ALG12: variants seen among roughly 807,000 people sequenced by gnomAD.
The protein encoded by ALG12 is ALG12 alpha-1,6-mannosyltransferase.
ALG12 carries 36 observed loss-of-function variants against 46.0 expected under a neutral mutation model. That is an observed-to-expected ratio of 0.78 (90% confidence interval 0.60 to 1.03). The LOEUF is 1.03. ALG12 is among the 50% of genes least tolerant of loss of function. The pLI is 0.00. For synonymous variants in ALG12, 326 were observed against 291.6 expected (o/e 1.12, Z -1.20); for missense variants, 599 against 633.5 (o/e 0.95, Z 0.58).
chr22:49,902,656 T>C lies in ALG12; in HGVS notation c.*1182A>G, dbSNP rs1191708095. On this transcript the variant is annotated 3_prime_UTR_variant, in exon 10 of 10. Transcript: ENST00000330817. Reference sequence around the variant, plus strand: ...TAATGTGCACGTGTGCACTGTGTGGTGTGTATGCATGGTGTGTGCACGTGT... The same window carrying C: ...TAATGTGCACGTGTGCACTGTGTGGCGTGTATGCATGGTGTGTGCACGTGT... 1 of 129,540 alleles carries C rather than the reference T, an allele frequency of 7.7e-6. No individual in the cohort carries two copies. The highest frequency in any genetic ancestry group is 2.9e-5 in the African/African-American group (1 of 34,200). The allele number at this position is 129,540 out of a possible 1,614,324, so 8.0% of individuals were successfully genotyped here.
downstream of ALG12, among the ~76,000 whole-genome samples, chr22:49,899,728 T>C (rs1249685721): frequency 6.6e-6 from 1 of 152,150 alleles, no homozygotes; most frequent in Non-Finnish European, 1.5e-5. Flanking sequence ...CAGGGTTATC[T>C]GAATTTACAA....
chr22:49,861,368 TTGGCTGCAAATGATC>T, the ALG12 span, among the ~76,000 whole-genome samples: 1 of 152,168 alleles, frequency 6.6e-6, no homozygotes, highest in Non-Finnish European at 1.5e-5. Context: ...CCTCAAACTC[TTGGCTGCAAATGATC>T]TGCCTGCCTC....
At chr22:49,878,562 AT>A in the ALG12 span, among the ~76,000 whole-genome samples, 6 of 152,222 alleles carry the variant, frequency 3.9e-5, no homozygotes, top group African/African-American at 1.4e-4. Context: ...GTGCAAAAAA[AT>A]GAACTTCAAT....
At chr22:49,873,978 C>T in the ALG12 span, among the ~76,000 whole-genome samples, 3 of 152,220 alleles carry the variant, frequency 2.0e-5, no homozygotes, top group Non-Finnish European at 4.4e-5. Flanking sequence ...GGAGCTGGCC[C>T]GTGCCGAGAA....
At chr22:49,884,669 G>A in the ALG12 span, 37 of 1,609,596 alleles carry the variant, frequency 2.3e-5, 1 homozygote, top group East Asian at 4.5e-5. Flanking sequence ...AGGGCACACC[G>A]CGCCATCGTG....
At chr22:49,885,553 C>T in the ALG12 span, 38 of 1,604,672 alleles carry the variant, frequency 2.4e-5, no homozygotes, top group Admixed American at 2.2e-4. Context: ...CCGGGTGCCG[C>T]GGGGCACAGA....
the ALG12 span, chr22:49,885,285 G>A: frequency 1.1e-5 from 18 of 1,595,162 alleles, no homozygotes; most frequent in Non-Finnish European, 1.4e-5. Flanking sequence ...TGACTGACTT[G>A]CCAACAGTGG....
the ALG12 span, among the ~76,000 whole-genome samples, chr22:49,859,602 CGTA>C: frequency 1.3e-5 from 2 of 152,298 alleles, no homozygotes; most frequent in African/African-American, 4.8e-5. Flanking sequence ...AGGCCATAGA[CGTA>C]GTCATTGTGC....
At chr22:49,895,089 T>C in the ALG12 span, among the ~76,000 whole-genome samples, 6 of 152,328 alleles carry the variant, frequency 3.9e-5, no homozygotes, top group African/African-American at 1.4e-4. Context: ...GACACCATGC[T>C]GTACACATTG....
chr22:49,885,054 C>G, the ALG12 span: 4 of 1,612,088 alleles, frequency 2.5e-6, no homozygotes, highest in Non-Finnish European at 3.4e-6. Flanking sequence ...TCTGGCATCA[C>G]TTCTCCCTGG....
the ALG12 span, among the ~76,000 whole-genome samples, chr22:49,865,647 T>C: frequency 6.6e-6 from 1 of 152,030 alleles, no homozygotes; most frequent in Non-Finnish European, 1.5e-5. Context: ...TGCACTCCAG[T>C]CTGGGCGACA....
At chr22:49,897,172 T>G (rs1051208456), downstream of ALG12, among the ~76,000 whole-genome samples, 1 of 152,170 alleles carries the variant, frequency 6.6e-6, no homozygotes, top group Non-Finnish European at 1.5e-5. Flanking sequence ...GGGCTAGTCA[T>G]TCACTTATTT....
chr22:49,886,418 G>A, the ALG12 span: 37 of 1,599,406 alleles, frequency 2.3e-5, no homozygotes, highest in South Asian at 2.2e-5. This position sits in a 1 kb window ranked among gnomAD's most constrained non-coding sequence, Gnocchi z 7.7. Flanking sequence ...TGTAACTTCC[G>A]AGAGCTGATC....
chr22:49,883,804 G>T, the ALG12 span: 5 of 1,613,426 alleles, frequency 3.1e-6, no homozygotes, highest in African/African-American at 1.3e-5. Context: ...CGAGCAGGAG[G>T]ACATGAAGCA....
chr22:49,865,900 G>A, the ALG12 span, among the ~76,000 whole-genome samples: 1 of 148,924 alleles, frequency 6.7e-6, no homozygotes, highest in Admixed American at 6.6e-5. Context: ...TTGTAGAGCT[G>A]GGGGTCTCAC....
chr22:49,918,010 C>CA (rs1569180466), intron 1 of ALG12, among the ~76,000 whole-genome samples: 7 of 151,270 alleles, frequency 4.6e-5, no homozygotes, highest in East Asian at 3.9e-4. Flanking sequence ...GGTCGGGCCC[C>CA]CGGATGAGAG....
chr22:49,887,309 C>A, the ALG12 span: 1 of 986,060 alleles, frequency 1.0e-6, no homozygotes. Flanking sequence ...CGCTCTCCAG[C>A]TCACCACAGT....
intron 1 of ALG12, among the ~76,000 whole-genome samples, chr22:49,914,365 C>T (rs766050830): frequency 2.0e-5 from 3 of 152,232 alleles, no homozygotes; most frequent in Non-Finnish European, 2.9e-5. Flanking sequence ...GCAAAGCCCC[C>T]GCTCCCAGGA....
chr22:49,880,583 G>A, the ALG12 span, among the ~76,000 whole-genome samples: 3 of 152,324 alleles, frequency 2.0e-5, no homozygotes, highest in East Asian at 5.8e-4. Context: ...ACGTCGTTTC[G>A]TGCACGGCGT....
Sources: allele counts gnomAD v4.1 joint callset (sites outside exome capture counted in the v4.1 genomes callset), GRCh38; gene constraint gnomAD v4.1.1; non-coding constraint Gnocchi (gnomAD v3.1); transcripts MANE v1.5; gene names NCBI Gene and HGNC (gene_info 2026-07-23, HGNC 2026-07-21).